The following LEF1 variants were observed in gnomAD, a reference collection of about 807,000 sequenced individuals.
LEF1 encodes lymphoid enhancer binding factor 1.
In LEF1, 14 loss-of-function variants were observed where a neutral mutation model predicts 51.2. The ratio of observed to expected loss-of-function variants is 0.27; its 90% CI spans 0.18 to 0.43. The LOEUF is 0.43. Among genes scored for constraint, LEF1 ranks in the 20% least tolerant of loss-of-function variants. The pLI is 1.00. For synonymous variants in LEF1, 185 were observed against 183.2 expected, an observed-to-expected ratio of 1.01 and a Z score of -0.08; for missense variants, 386 against 512.0, an observed-to-expected ratio of 0.75 and a Z score of 2.37.
intron 3 of LEF1, among the ~76,000 whole-genome samples, chr4:108,125,243 A>G (rs575488840): frequency 4.6e-5 from 7 of 152,176 alleles, no homozygotes; most frequent in Admixed American, 6.5e-5. Flanking sequence ...AGCTCACTAC[A>G]ATCTCTGCCT....
In LEF1 at chr4:108,089,608, C is replaced by T. The variant is rs185306717; in HGVS notation, c.415-351G>A. ...TTCCTCAGGTTAAGTCAATAAAGAG[C>T]GAATTACAGCAAAATTTATGAATGT... On this transcript the variant is annotated intron_variant, in intron 3 of 11. Transcript: ENST00000265165. Among the ~76,000 whole-genome samples the T allele has an allele frequency of 2.7e-3, 409 of 152,192 alleles. 1 individual carries two copies. The highest frequency in any genetic ancestry group is 6.8e-3 in the Middle Eastern group (2 of 294).
At chr4:108,071,325 CTTCA>C (rs1738461674) in intron 8 of LEF1, among the ~76,000 whole-genome samples, 1 of 152,208 alleles carries the variant, frequency 6.6e-6, no homozygotes, top group Admixed American at 6.5e-5. Flanking sequence ...ATCTCCATCT[CTTCA>C]TTGTCTCCTC....
intron 11 of LEF1, among the ~76,000 whole-genome samples, chr4:108,056,256 A>G (rs909690179): frequency 9.9e-5 from 15 of 152,228 alleles, no homozygotes; most frequent in African/African-American, 3.6e-4. Context: ...CAATCTGGGA[A>G]GGGAAGGAGG....
intron 3 of LEF1, among the ~76,000 whole-genome samples, chr4:108,141,124 C>T (rs1279594348): frequency 6.6e-6 from 1 of 152,162 alleles, no homozygotes; most frequent in Admixed American, 6.5e-5. Flanking sequence ...GTGTAATAAA[C>T]CAAAGTTAAA....
At chr4:108,157,175 T>C (rs1460027584) in intron 3 of LEF1, among the ~76,000 whole-genome samples, 2,109 of 57,404 alleles carry the variant, frequency 0.037, 33 homozygotes, top group Admixed American at 0.084. Flanking sequence ...TCTCTATATA[T>C]ATATACACAC....
At chr4:108,156,121 T>C (rs531884077) in intron 3 of LEF1, among the ~76,000 whole-genome samples, 3 of 152,246 alleles carry the variant, frequency 2.0e-5, no homozygotes, top group Non-Finnish European at 4.4e-5. Flanking sequence ...ACTAGTATTG[T>C]GTTTCCATCT....
intron 3 of LEF1, among the ~76,000 whole-genome samples, chr4:108,127,428 C>G (rs772889878): frequency 6.6e-6 from 1 of 152,174 alleles, no homozygotes. Flanking sequence ...TCATGTGACT[C>G]TCCAGGGATA....
intron 8 of LEF1, chr4:108,075,241 A>G (rs1738772893): frequency 6.6e-6 from 1 of 152,230 alleles, no homozygotes; most frequent in Non-Finnish European, 1.5e-5. Flanking sequence ...CAGATTGGAA[A>G]TAGCTGCATT....
chr4:108,048,298 C>T lies in LEF1; in HGVS notation c.*460G>A, dbSNP rs1391275749. The T allele has an allele frequency of 5.9e-6, 1 of 168,218 alleles. No homozygotes were observed. The highest frequency in any genetic ancestry group is 1.3e-5 in the Non-Finnish European group (1 of 78,912). The allele number at this position is 168,218 out of a possible 1,614,324, so 10.4% of individuals were successfully genotyped here. A position where few individuals can be genotyped will look rare whatever the true frequency, so the allele number is the denominator to read the frequency against. On this transcript the variant is annotated 3_prime_UTR_variant, in exon 12 of 12. Transcript: ENST00000265165. ...AAAGAGGGAACTCTTCCATGAACTC[C>T]TCCACTGGGGTGCTGATGGATGTGC...
chr4:108,124,541 T>C (rs1194662481), intron 3 of LEF1, among the ~76,000 whole-genome samples: 1 of 152,070 alleles, frequency 6.6e-6, no homozygotes, highest in African/African-American at 2.4e-5. Flanking sequence ...GGCTAATTTT[T>C]GTATTTTTAA....
chr4:108,140,210 G>A (rs1037789038), intron 3 of LEF1, among the ~76,000 whole-genome samples: 2 of 152,092 alleles, frequency 1.3e-5, no homozygotes, highest in African/African-American at 2.4e-5. Flanking sequence ...TTAGAGGGAG[G>A]GGGGAAAAGC....
At chr4:108,075,212 T>C (rs1185843622) in intron 8 of LEF1, among the ~76,000 whole-genome samples, 2 of 152,168 alleles carry the variant, frequency 1.3e-5, no homozygotes, top group African/African-American at 4.8e-5. Flanking sequence ...CATCCTCCCC[T>C]GGAAACCCTG....
chr4:108,166,178 C>A, intron 1 of LEF1: 1 of 1,332,980 alleles, frequency 7.5e-7, no homozygotes, highest in East Asian at 2.6e-5. Context: ...CACCCTACCC[C>A]CGCCCCCAGC....
At chr4:108,073,294 A>G (rs1352846275) in intron 8 of LEF1, among the ~76,000 whole-genome samples, 1 of 152,222 alleles carries the variant, frequency 6.6e-6, no homozygotes, top group Non-Finnish European at 1.5e-5. Flanking sequence ...CTGAGGCATG[A>G]GAATTGCTTG....
chr4:108,150,019 TAGAA>T (rs1415355694), intron 3 of LEF1, among the ~76,000 whole-genome samples: 1 of 152,100 alleles, frequency 6.6e-6, no homozygotes, highest in Non-Finnish European at 1.5e-5. Flanking sequence ...AATGTCTCCT[TAGAA>T]AGAAAAGTTT....
At chr4:108,054,291 T>C (rs569928781) in intron 11 of LEF1, among the ~76,000 whole-genome samples, 1 of 152,310 alleles carries the variant, frequency 6.6e-6, no homozygotes, top group African/African-American at 2.4e-5. Context: ...GAGACGTATG[T>C]GCAGAGCCGG....
chr4:108,133,207 C>T (rs1256892615), intron 3 of LEF1, among the ~76,000 whole-genome samples: 4 of 152,094 alleles, frequency 2.6e-5, no homozygotes, highest in Admixed American at 1.3e-4. Flanking sequence ...CTCATGACCT[C>T]GTGATCCGCC....
intron 3 of LEF1, among the ~76,000 whole-genome samples, chr4:108,159,737 T>C (rs1744951744): frequency 1.3e-5 from 2 of 152,182 alleles, no homozygotes; most frequent in South Asian, 2.1e-4. Context: ...TTCTGTTTAA[T>C]AGAAACCAAA....
Position 108,167,469 on chromosome 4 carries a change from G to A in LEF1, c.213+86C>T, listed in dbSNP as rs951014385. On this transcript the variant is annotated intron_variant, in intron 1 of 11. Transcript: ENST00000265165. This position sits in a 1 kb window ranked among gnomAD's most constrained non-coding sequence, Gnocchi z 5.7. ...TCTACTCGGGACCCTCAGCCGGGCG[G>A]CCGGGCGCCTTCGTTCCCTTCCTCC... The A allele has an allele frequency of 1.0e-5, 14 of 1,387,546 alleles. No individual in the cohort carries two copies. Among genetic ancestry groups the A allele is most frequent in the Non-Finnish European group, 1.1e-5 (11 of 995,734 alleles). The allele number at this position is 1,387,546 out of a possible 1,614,324, so 86.0% of individuals were successfully genotyped here.
Sources: allele counts gnomAD v4.1 joint callset (sites outside exome capture counted in the v4.1 genomes callset), GRCh38; gene constraint gnomAD v4.1.1; non-coding constraint Gnocchi (gnomAD v3.1); transcripts MANE v1.5; gene names NCBI Gene and HGNC (gene_info 2026-07-23, HGNC 2026-07-21).